Variants in ZFHX3 observed in about 807,000 individuals in gnomAD.
The protein encoded by ZFHX3 is zinc finger homeobox protein 3.
A neutral mutation model predicts 279.1 loss-of-function variants in ZFHX3; 42 were observed. The ratio of observed to expected loss-of-function variants is 0.15; its 90% CI spans 0.12 to 0.19. The LOEUF is 0.19. ZFHX3 is among the 10% of genes least tolerant of loss of function. ZFHX3 has a pLI of 1.00. For synonymous variants in ZFHX3, 2,293 were observed against 1,957.8 expected, an observed-to-expected ratio of 1.17 and a Z score of -4.52; for missense variants, 4,981 against 4,754.0, an observed-to-expected ratio of 1.05 and a Z score of -1.40.
intron 5 of ZFHX3, among the ~76,000 whole-genome samples, chr16:73,250,728 G>A (rs1355387986): frequency 1.3e-5 from 2 of 151,996 alleles, no homozygotes; most frequent in Non-Finnish European, 2.9e-5. Context: ...TAGAGACGGG[G>A]TTTCACCGCG....
intron 7 of ZFHX3, among the ~76,000 whole-genome samples, chr16:73,102,179 G>T (rs1966240185): frequency 6.6e-6 from 1 of 152,088 alleles, no homozygotes; most frequent in Non-Finnish European, 1.5e-5. Context: ...CTCCCAAAGT[G>T]CTGGGATTAC....
intron 2 of ZFHX3, among the ~76,000 whole-genome samples, chr16:73,491,831 C>T (rs116049897): frequency 6.4e-4 from 98 of 152,182 alleles, no homozygotes; most frequent in African/African-American, 2.0e-3. Context: ...GCTAAACATC[C>T]TAAATGCACA....
chr16:73,158,011 A>G (rs916944011), intron 5 of ZFHX3, among the ~76,000 whole-genome samples: 1 of 149,514 alleles, frequency 6.7e-6, no homozygotes, highest in South Asian at 2.3e-4. Context: ...TGGATCCAGG[A>G]AAAAAAAAAT....
At position 73,657,593 on chromosome 16, in the gene ZFHX3, T is replaced by G. The variant is rs546951288; in HGVS notation, c.-1547+22587A>C. On this transcript the variant is annotated intron_variant, in intron 2 of 17. Transcript: ENST00000641206. ...CTAGTACCCTTTAGCAATCACCCTC[T>G]CAAACCCCCATCTCCTTTCTCCCCC... Among the ~76,000 whole-genome samples the G allele has an allele frequency of 6.6e-5, 10 of 152,290 alleles. No homozygotes were observed. The East Asian group carries it at 1.9e-3, about 29-fold the overall frequency.
chr16:73,591,110 T>C (rs2051990155), intron 2 of ZFHX3, among the ~76,000 whole-genome samples: 1 of 152,082 alleles, frequency 6.6e-6, no homozygotes, highest in South Asian at 2.1e-4. Context: ...CCCAGCACTT[T>C]GGGAGGCTGA....
intron 1 of ZFHX3, among the ~76,000 whole-genome samples, chr16:73,869,757 A>G (rs1243357053): frequency 6.6e-6 from 1 of 152,254 alleles, no homozygotes; most frequent in Non-Finnish European, 1.5e-5. Context: ...TTCATGATAC[A>G]TAAGACTTAG....
intron 2 of ZFHX3, among the ~76,000 whole-genome samples, chr16:73,566,167 G>A (rs2020447924): frequency 6.6e-6 from 1 of 152,214 alleles, no homozygotes; most frequent in South Asian, 2.1e-4. Flanking sequence ...CGGGCAGGAA[G>A]GCCCTGGTCC....
intron 7 of ZFHX3, chr16:73,099,404 T>A (rs1567662538): frequency 6.6e-6 from 1 of 152,058 alleles, no homozygotes; most frequent in African/African-American, 2.4e-5. Context: ...ACAGCTTTAT[T>A]TGGAAACATT....
At chr16:73,392,223 C>G (rs184101633) in intron 3 of ZFHX3, among the ~76,000 whole-genome samples, 2 of 151,602 alleles carry the variant, frequency 1.3e-5, no homozygotes, top group African/African-American at 4.8e-5. Flanking sequence ...AGTTCAATAC[C>G]AGCCTGGCCA....
chr16:73,681,955 T>A (rs540642034), intron 1 of ZFHX3, among the ~76,000 whole-genome samples: 192 of 152,318 alleles, frequency 1.3e-3, no homozygotes, highest in African/African-American at 3.8e-3. Flanking sequence ...TAAATAGGGA[T>A]AATGATATAT....
In ZFHX3 at chr16:73,692,126, C is replaced by T. The variant is rs149135008; in HGVS notation, c.-1607-11886G>A. Among the ~76,000 whole-genome samples the T allele has an allele frequency of 4.8e-3, 728 of 152,212 alleles. 4 individuals are homozygous for T. The highest frequency in any genetic ancestry group is 0.017 in the African/African-American group (695 of 41,534). On this transcript the variant is annotated intron_variant, in intron 1 of 17. Transcript: ENST00000641206. ...TTTGAAAATACGTCCACAGATTATT[C>T]GATATTCCTCTCTTCAAGAAGCGGA...
At chr16:72,843,432 A>G (rs1169400588) in intron 4 of ZFHX3, among the ~76,000 whole-genome samples, 3 of 149,878 alleles carry the variant, frequency 2.0e-5, no homozygotes, top group Admixed American at 6.7e-5. Flanking sequence ...AATGGCGTGA[A>G]CCCGGGAGAC....
chr16:73,442,542 A>G (rs2143540265), intron 3 of ZFHX3, among the ~76,000 whole-genome samples: 1 of 151,978 alleles, frequency 6.6e-6, no homozygotes, highest in African/African-American at 2.4e-5. Context: ...AAGTGAAAAA[A>G]CCCCATGAGA....
intron 1 of ZFHX3, among the ~76,000 whole-genome samples, chr16:73,881,003 T>A (rs1366145977): frequency 6.6e-6 from 1 of 152,182 alleles, no homozygotes; most frequent in Non-Finnish European, 1.5e-5. Flanking sequence ...AAAGGGTATG[T>A]GGCATTGGGA....
chr16:73,615,951 A>T (rs2052297289), intron 2 of ZFHX3, among the ~76,000 whole-genome samples: 1 of 152,212 alleles, frequency 6.6e-6, no homozygotes, highest in Non-Finnish European at 1.5e-5. Context: ...CGTGGGCTAA[A>T]GGAAGAGATT....
intron 7 of ZFHX3, among the ~76,000 whole-genome samples, chr16:73,102,853 G>A (rs181508075): frequency 2.6e-5 from 4 of 152,174 alleles, no homozygotes; most frequent in Non-Finnish European, 5.9e-5. Flanking sequence ...AGTACTTAAC[G>A]TGGTTCCTGG....
intron 3 of ZFHX3, among the ~76,000 whole-genome samples, chr16:73,418,732 GTGGCTGTTTCCTTACAGAATGAAAATAC>G (rs1312186962): frequency 6.6e-6 from 1 of 152,226 alleles, no homozygotes; most frequent in Non-Finnish European, 1.5e-5. Flanking sequence ...CTGTTTGGTT[GTGGCTGTTTCCTTACAGAATGAAAATAC>G]TGGCATTGGA....
At chr16:73,419,908 A>AT (rs201045234) in intron 3 of ZFHX3, among the ~76,000 whole-genome samples, 4,841 of 145,528 alleles carry the variant, frequency 0.033, 219 homozygotes, top group African/African-American at 0.1. Context: ...TAGATAGATA[A>AT]TTTTTTTTTT....
intron 8 of ZFHX3, among the ~76,000 whole-genome samples, chr16:73,087,985 C>A (rs562696051): frequency 6.6e-6 from 1 of 152,194 alleles, no homozygotes; most frequent in South Asian, 2.1e-4. Context: ...TCCACCACCA[C>A]GCCTGGCTGA....
Sources: gnomAD v4.1 joint callset for allele counts (sites outside exome capture counted in the v4.1 genomes callset) on GRCh38, gnomAD v4.1.1 for gene constraint, MANE v1.5 for transcripts, NCBI Gene and HGNC (gene_info 2026-07-23, HGNC 2026-07-21) for gene names.